The following ADAM12 variants were observed in gnomAD, a reference collection of about 807,000 sequenced individuals.
The protein encoded by ADAM12 is disintegrin and metalloproteinase domain-containing protein 12.
A neutral mutation model predicts 106.4 loss-of-function variants in ADAM12; 70 were observed. The ratio of observed to expected loss-of-function variants is 0.66; its 90% CI spans 0.54 to 0.80. The LOEUF (loss-of-function observed/expected upper bound fraction) is 0.80. Ranked by LOEUF, ADAM12 falls within the 30% of genes least tolerant of loss-of-function variation. The probability of loss-of-function intolerance (pLI) is 0.00; values close to 1 mark genes in which losing one functional copy is unlikely to be tolerated. For missense variants in ADAM12, 1,010 were observed against 1,171.9 expected (o/e 0.86, Z 2.02); for synonymous variants, 420 against 433.5 (o/e 0.97, Z 0.39).
At chr10:126,171,998 TGAG>T (rs1957128545) in intron 3 of ADAM12, among the ~76,000 whole-genome samples, 2 of 152,138 alleles carry the variant, frequency 1.3e-5, no homozygotes, top group South Asian at 4.1e-4. Context: ...GCTAATACGT[TGAG>T]GAGGAGGGAG....
chr10:126,145,835 G>A (rs1353610217), intron 4 of ADAM12, among the ~76,000 whole-genome samples: 1 of 152,216 alleles, frequency 6.6e-6, no homozygotes, highest in Non-Finnish European at 1.5e-5. Flanking sequence ...TTGAATTAGT[G>A]CATGAATGAA....
chr10:126,249,337 G>A (rs968958796), intron 3 of ADAM12, among the ~76,000 whole-genome samples: 3 of 152,194 alleles, frequency 2.0e-5, no homozygotes, highest in African/African-American at 7.2e-5. Context: ...GGGGTTGGTG[G>A]TGATGGGGAG....
At chr10:126,034,424 T>C (rs749955235) in intron 21 of ADAM12, among the ~76,000 whole-genome samples, 2 of 151,998 alleles carry the variant, frequency 1.3e-5, no homozygotes, top group African/African-American at 4.8e-5. Flanking sequence ...ACAAAAAAAA[T>C]ACAAAGATAT....
chr10:126,358,563 C>G (rs1322111585), intron 1 of ADAM12, among the ~76,000 whole-genome samples: 1 of 152,116 alleles, frequency 6.6e-6, no homozygotes, highest in Non-Finnish European at 1.5e-5. Context: ...ATTGAAAGCC[C>G]TTCCTCTAAG....
At chr10:126,025,958 C>G (rs966768940) in intron 21 of ADAM12, among the ~76,000 whole-genome samples, 3 of 152,132 alleles carry the variant, frequency 2.0e-5, no homozygotes, top group African/African-American at 7.2e-5. Flanking sequence ...CAGCAGACCT[C>G]CCAGTGGAAA....
intron 2 of ADAM12, among the ~76,000 whole-genome samples, chr10:126,291,474 C>T (rs988574630): frequency 7.2e-5 from 11 of 152,320 alleles, no homozygotes; most frequent in Middle Eastern, 3.4e-3. Context: ...ATTCAAATTG[C>T]ACCATGAAAA....
chr10:126,069,929 A>G (rs183383412), intron 12 of ADAM12, among the ~76,000 whole-genome samples: 5 of 152,200 alleles, frequency 3.3e-5, no homozygotes, highest in African/African-American at 1.2e-4. Context: ...CTGGTGGCAT[A>G]TGGAGTAAAT....
intron 3 of ADAM12, among the ~76,000 whole-genome samples, chr10:126,240,064 G>A (rs1218434559): frequency 6.6e-6 from 1 of 152,194 alleles, no homozygotes; most frequent in African/African-American, 2.4e-5. Context: ...CTGGCTTGCT[G>A]TAGCATTGCG....
At chr10:126,240,955 T>C (rs540687688) in intron 3 of ADAM12, among the ~76,000 whole-genome samples, 1 of 152,232 alleles carries the variant, frequency 6.6e-6, no homozygotes, top group Non-Finnish European at 1.5e-5. Flanking sequence ...TGAAATAAAA[T>C]CTAGAGTGTC....
At chr10:126,271,757 C>A (rs1048082946) in intron 3 of ADAM12, among the ~76,000 whole-genome samples, 1 of 152,182 alleles carries the variant, frequency 6.6e-6, no homozygotes, top group African/African-American at 2.4e-5. Flanking sequence ...CAGAGTGAGA[C>A]CCTGTCTCAA....
intron 3 of ADAM12, among the ~76,000 whole-genome samples, chr10:126,180,441 C>T (rs564237519): frequency 2.0e-5 from 3 of 152,162 alleles, no homozygotes; most frequent in Non-Finnish European, 2.9e-5. Flanking sequence ...GATCTCTGTA[C>T]GTGGGTGGCA....
intron 3 of ADAM12, among the ~76,000 whole-genome samples, chr10:126,190,499 C>G (rs569453310): frequency 1.3e-5 from 2 of 152,116 alleles, no homozygotes; most frequent in East Asian, 3.9e-4. Flanking sequence ...AGACACCACA[C>G]CCGGCCCCAA....
chr10:126,141,737 G>C (rs562353020), intron 4 of ADAM12, among the ~76,000 whole-genome samples: 1 of 150,024 alleles, frequency 6.7e-6, no homozygotes, highest in East Asian at 2.0e-4. Context: ...TAACAAAGAT[G>C]GCTTGACCTT....
intron 3 of ADAM12, among the ~76,000 whole-genome samples, chr10:126,217,931 C>T (rs893530759): frequency 5.3e-5 from 8 of 150,498 alleles, no homozygotes; most frequent in Admixed American, 6.6e-5. Flanking sequence ...GCCAAGATCA[C>T]GTCACTGCAC....
At chr10:126,199,835 GA>G (rs1349511440) in intron 3 of ADAM12, among the ~76,000 whole-genome samples, 1 of 152,184 alleles carries the variant, frequency 6.6e-6, no homozygotes, top group Non-Finnish European at 1.5e-5. Flanking sequence ...GCATGACCTT[GA>G]GAAAGGCATT....
intron 2 of ADAM12, among the ~76,000 whole-genome samples, chr10:126,299,612 T>A (rs1445928499): frequency 6.6e-6 from 1 of 152,182 alleles, no homozygotes; most frequent in Non-Finnish European, 1.5e-5. Context: ...TTTACCCATG[T>A]TACTGTCTAA....
intron 1 of ADAM12, among the ~76,000 whole-genome samples, chr10:126,386,640 CCATT>C (rs1314685114): frequency 6.6e-6 from 1 of 152,096 alleles, no homozygotes; most frequent in Non-Finnish European, 1.5e-5. Flanking sequence ...AAATAATTTC[CCATT>C]ATTAGCTGGA....
chr10:126,337,747 G>C (rs1383650496), intron 1 of ADAM12, among the ~76,000 whole-genome samples: 1 of 152,096 alleles, frequency 6.6e-6, no homozygotes, highest in Admixed American at 6.6e-5. Context: ...ATCTCATTTG[G>C]TTTAGGTTGT....
chr10:126,037,000 C>CAAAG (rs1277699224), intron 20 of ADAM12, among the ~76,000 whole-genome samples: 1 of 152,170 alleles, frequency 6.6e-6, no homozygotes, highest in African/African-American at 2.4e-5. Context: ...TCCATCACCC[C>CAAAG]AAAGAGTTTT....
Sources: gnomAD v4.1 joint callset for allele counts (sites outside exome capture counted in the v4.1 genomes callset) on GRCh38, gnomAD v4.1.1 for gene constraint, MANE v1.5 for transcripts, NCBI Gene and HGNC (gene_info 2026-07-23, HGNC 2026-07-21) for gene names.